Variants in ANO4 observed in about 807,000 individuals in gnomAD.
ANO4 encodes anoctamin 4.
Under a neutral mutation model 141.9 loss-of-function variants are expected in ANO4, and 69 were observed. The ratio of observed to expected loss-of-function variants is 0.49; its 90% confidence interval spans 0.40 to 0.59. The LOEUF (loss-of-function observed/expected upper bound fraction) is 0.59, where lower values mean the gene tolerates loss of function less well. Ranked by LOEUF, ANO4 falls within the 20% of genes least tolerant of loss-of-function variation. ANO4 has a pLI of 0.00. For synonymous variants in ANO4, 350 were observed against 394.3 expected, an observed-to-expected ratio of 0.89 and a Z score of 1.33; for missense variants, 894 against 1,162.2, an observed-to-expected ratio of 0.77 and a Z score of 3.36.
intron 8 of ANO4, among the ~76,000 whole-genome samples, chr12:100,996,904 A>AAAATGAAGC (rs375319569): frequency 2.6e-5 from 4 of 152,214 alleles, no homozygotes; most frequent in Non-Finnish European, 4.4e-5. Context: ...ACTGTTTACT[A>AAAATGAAGC]AACAACTCCT....
chr12:101,110,436 G>T lies in ANO4; in HGVS notation c.2182G>T (p.Ala728Ser), dbSNP rs200450110. 6.2e-7 allele frequency: 1 copy of T among 1,607,180 alleles called. No individual in the cohort carries two copies. The highest frequency in any genetic ancestry group is 1.1e-5 in the South Asian group (1 of 88,980). ...LQFGFTTIFVAAFPLAPLLAL... is the reference protein window; with the variant it reads ...LQFGFTTIFVSAFPLAPLLAL... ...GTTTGGATTCACAACTATCTTTGTGGCAGCTTTTCCCCTAGCACCACTTCT... is the reference window on the plus strand; with the variant it reads ...GTTTGGATTCACAACTATCTTTGTGTCAGCTTTTCCCCTAGCACCACTTCT... The change falls in exon 23 of 28, where the codon GCA becomes TCA. Residue 728 changes from alanine (A) to serine (S), a missense_variant. Around this residue, in one of 2 missense-constraint regions of ANO4, gnomAD observed 637 missense variants for 909.2 expected, o/e 0.70. Transcript: ENST00000392977.
At chr12:100,789,668 T>G (rs1415499796) in intron 3 of ANO4, among the ~76,000 whole-genome samples, 2 of 152,196 alleles carry the variant, frequency 1.3e-5, no homozygotes, top group African/African-American at 4.8e-5. Flanking sequence ...TCTAATTCAG[T>G]GCTCTTTACT....
At chr12:100,866,879 T>C (rs938357051) in intron 1 of ANO4, among the ~76,000 whole-genome samples, 14 of 152,210 alleles carry the variant, frequency 9.2e-5, no homozygotes, top group Non-Finnish European at 1.8e-4. Flanking sequence ...TGTAAAATGC[T>C]TTTTGAATGC....
At chr12:100,859,407 C>A (rs2038355193) in intron 1 of ANO4, 1 of 152,118 alleles carries the variant, frequency 6.6e-6, no homozygotes, top group Non-Finnish European at 1.5e-5. Context: ...CTCATAATGG[C>A]CAGGTGACAT....
intron 3 of ANO4, among the ~76,000 whole-genome samples, chr12:100,929,382 G>T (rs1041034893): frequency 6.6e-6 from 1 of 151,980 alleles, no homozygotes; most frequent in African/African-American, 2.4e-5. Flanking sequence ...GTCTTTCTGT[G>T]CCTGGCTCAT....
At chr12:101,063,362 A>G (rs567993492) in intron 14 of ANO4, among the ~76,000 whole-genome samples, 1 of 152,358 alleles carries the variant, frequency 6.6e-6, no homozygotes, top group African/African-American at 2.4e-5. Flanking sequence ...AAGCTGGACA[A>G]TATATTAATT....
chr12:100,836,453 T>C (rs555727959), intron 1 of ANO4, among the ~76,000 whole-genome samples: 10 of 151,986 alleles, frequency 6.6e-5, no homozygotes, highest in African/African-American at 2.4e-4. Context: ...TAACTCGTCA[T>C]TTACATTAGG....
chr12:100,947,741 T>C (rs559150896), intron 5 of ANO4, among the ~76,000 whole-genome samples: 1 of 152,268 alleles, frequency 6.6e-6, no homozygotes, highest in Admixed American at 6.5e-5. Context: ...ACTATTATAA[T>C]TTCCATTTAA....
At chr12:101,114,445 CCA>C (rs200199702) in intron 24 of ANO4, among the ~76,000 whole-genome samples, 2,929 of 152,178 alleles carry the variant, frequency 0.019, 35 homozygotes, top group Non-Finnish European at 0.029. Flanking sequence ...TCAGGAGTAA[CCA>C]CCCTCTAAAG....
At chr12:101,086,944 G>A (rs2049528448) in intron 17 of ANO4, 120 bp downstream of exon 17, 2 of 1,178,496 alleles carry the variant, frequency 1.7e-6, no homozygotes, top group East Asian at 5.2e-5. Context: ...TAGCACTGAT[G>A]TCCTGGCAGC....
intron 26 of ANO4, among the ~76,000 whole-genome samples, chr12:101,121,577 A>C (rs755912707): frequency 5.3e-5 from 8 of 151,634 alleles, no homozygotes; most frequent in Non-Finnish European, 1.2e-4. Flanking sequence ...AGAATGCTTT[A>C]TTTTCTTTTG....
chr12:101,042,262 CTA>C (rs1460313709), intron 11 of ANO4, 70 bp from the exon 12 acceptor site: 2 of 1,578,892 alleles, frequency 1.3e-6, no homozygotes, highest in African/African-American at 1.3e-5. Context: ...AGTAAAATGA[CTA>C]TACGAAGTTT....
intron 1 of ANO4, among the ~76,000 whole-genome samples, chr12:100,721,746 C>T (rs1425889164): frequency 1.3e-5 from 2 of 152,114 alleles, no homozygotes; most frequent in African/African-American, 4.8e-5. Flanking sequence ...TGGCATGATC[C>T]TGGCTCATTG....
chr12:100,921,678 G>T (rs953035055), intron 2 of ANO4, among the ~76,000 whole-genome samples: 7 of 152,040 alleles, frequency 4.6e-5, no homozygotes, highest in African/African-American at 1.7e-4. Context: ...AGAACAAGAG[G>T]CTTAATTACT....
chr12:100,721,292 C>T (rs1261047723), intron 1 of ANO4, among the ~76,000 whole-genome samples: 3 of 152,164 alleles, frequency 2.0e-5, no homozygotes, highest in African/African-American at 7.2e-5. Flanking sequence ...ATAAGATCTC[C>T]CGCTGTTTCT....
At chr12:100,740,926 C>T (rs540623438) in intron 3 of ANO4, among the ~76,000 whole-genome samples, 83 of 152,230 alleles carry the variant, frequency 5.5e-4, no homozygotes, top group Non-Finnish European at 9.4e-4. Flanking sequence ...CTCTTGCAAA[C>T]GCTGAAATAT....
intron 26 of ANO4, among the ~76,000 whole-genome samples, chr12:101,122,233 G>T (rs2051126707): frequency 6.6e-6 from 1 of 152,076 alleles, no homozygotes; most frequent in Non-Finnish European, 1.5e-5. Context: ...TTTTAATGGG[G>T]TTATTTGTTT....
At chr12:100,833,586 T>A (rs1052738598) in intron 1 of ANO4, among the ~76,000 whole-genome samples, 2 of 152,104 alleles carry the variant, frequency 1.3e-5, no homozygotes, top group African/African-American at 4.8e-5. Context: ...CTTCTATTAG[T>A]CATTTGATCT....
At chr12:100,935,641 G>T (rs1053752669) in intron 3 of ANO4, among the ~76,000 whole-genome samples, 2 of 152,158 alleles carry the variant, frequency 1.3e-5, no homozygotes, top group Admixed American at 6.6e-5. Context: ...GGATAGAAAG[G>T]CCTCACTCCC....
Sources: gnomAD v4.1 joint callset for allele counts (sites outside exome capture counted in the v4.1 genomes callset) on GRCh38, gnomAD v4.1.1 for gene constraint, gnomAD v4.1.1 regional missense constraint, MANE v1.5 for transcripts, NCBI Gene and HGNC (gene_info 2026-07-23, HGNC 2026-07-21) for gene names.